The following FKBP1B variants were observed in gnomAD, a reference collection of about 807,000 sequenced individuals.
The protein encoded by FKBP1B is FKBP prolyl isomerase 1B, also known as peptidyl-prolyl cis-trans isomerase FKBP1B.
A neutral mutation model predicts 13.5 loss-of-function variants in FKBP1B; 4 were observed. The observed-to-expected ratio is 0.30, with a 90% CI of 0.15 to 0.68. FKBP1B has a LOEUF of 0.68. FKBP1B is among the 30% of genes least tolerant of loss of function. The pLI, the probability that FKBP1B is intolerant of heterozygous loss-of-function variation, is 0.76. For missense variants in FKBP1B, 93 were observed against 136.2 expected, an observed-to-expected ratio of 0.68 and a Z score of 1.58; for synonymous variants, 54 against 53.6, an observed-to-expected ratio of 1.01 and a Z score of -0.03.
upstream of FKBP1B, chr2:24,049,534 G>A: frequency 3.3e-6 from 1 of 304,768 alleles, no homozygotes; most frequent in Non-Finnish European, 6.0e-6. Flanking sequence ...TGGATGGATG[G>A]AGGATGTGGT....
chr2:24,050,628 C>T lies in FKBP1B; in HGVS notation c.37+742C>T, dbSNP rs1663824957. 1.3e-5 allele frequency among the ~76,000 whole-genome samples: 2 copies of T among 152,200 alleles called. No homozygotes were observed. The highest frequency in any genetic ancestry group is 1.3e-4 in the Admixed American group (2 of 15,280). On this transcript the variant is annotated intron_variant, in intron 1 of 3. Coordinates refer to ENST00000380986, the MANE Select transcript of FKBP1B (RefSeq NM_004116.5). The surrounding 1 kb of genome is among the most constrained non-coding windows in gnomAD (Gnocchi z 5.8). The stretch of plus-strand genomic sequence containing the variant: ...TAAGTGATCCTCTTTATCCCCCTTC[C>T]GTGTCTCACTTTCCCAAGTCCTTGT...
intron 2 of FKBP1B, among the ~76,000 whole-genome samples, chr2:24,055,380 T>A (rs1220522885): frequency 1.3e-5 from 2 of 152,056 alleles, no homozygotes; most frequent in Non-Finnish European, 2.9e-5. Context: ...CTGGCTAATT[T>A]TAATTTTTTG....
the FKBP1B span, among the ~76,000 whole-genome samples, chr2:24,037,372 G>A: frequency 6.6e-6 from 1 of 152,168 alleles, no homozygotes; most frequent in Non-Finnish European, 1.5e-5. Flanking sequence ...ATAAGGAAAA[G>A]GTTGTCACAA....
At chr2:24,045,240 G>A (rs185675773), upstream of FKBP1B, among the ~76,000 whole-genome samples, 349 of 152,284 alleles carry the variant, frequency 2.3e-3, no homozygotes, top group Non-Finnish European at 3.8e-3. Flanking sequence ...AAAGAATTAA[G>A]GATAACACCC....
intron 1 of FKBP1B, 63 bp downstream of exon 1, chr2:24,049,949 G>A (rs958514981): frequency 1.5e-6 from 2 of 1,315,470 alleles, no homozygotes; most frequent in Non-Finnish European, 2.0e-6. Flanking sequence ...CGGAGGGCGG[G>A]GGTCTGATTC....
chr2:24,046,835 T>C (rs947858727), upstream of FKBP1B, among the ~76,000 whole-genome samples: 1 of 152,214 alleles, frequency 6.6e-6, no homozygotes, highest in Non-Finnish European at 1.5e-5. Context: ...TTTTCAGTTA[T>C]ACTGTGCAAC....
At chr2:24,051,991 G>A (rs146131835) in intron 1 of FKBP1B, among the ~76,000 whole-genome samples, 171 of 152,162 alleles carry the variant, frequency 1.1e-3, no homozygotes, top group South Asian at 4.6e-3. Context: ...TGTTCCTCCC[G>A]TCTTCCCTAT....
At chr2:24,041,684 C>G in the FKBP1B span, among the ~76,000 whole-genome samples, 1 of 151,394 alleles carries the variant, frequency 6.6e-6, no homozygotes, top group African/African-American at 2.4e-5. Context: ...GAAACCCCAT[C>G]TCTACTCAAA....
upstream of FKBP1B, among the ~76,000 whole-genome samples, chr2:24,049,069 C>A (rs974656212): frequency 6.6e-6 from 1 of 152,142 alleles, no homozygotes; most frequent in Non-Finnish European, 1.5e-5. Context: ...AGATCCAGGA[C>A]GCCTAGCGAG....
At chr2:24,049,476 A>G (rs1472792941), upstream of FKBP1B, 2 of 196,522 alleles carry the variant, frequency 1.0e-5, no homozygotes, top group Non-Finnish European at 2.1e-5. Context: ...AGAGCTTACT[A>G]CAGATTAGAT....
Position 24,063,458 on chromosome 2 carries a change from G to GTCTTTTA in FKBP1B, c.*266_*267insTCTTTTA. On this transcript the variant is annotated 3_prime_UTR_variant, in exon 4 of 4. Coordinates refer to ENST00000380986, the MANE Select transcript of FKBP1B (RefSeq NM_004116.5). ...GATGCATGTAGTAGCCTTTCCTGATGACAGAACACAGATCTCTTGTTCGCA... is the reference window on the plus strand; with the variant it reads ...GATGCATGTAGTAGCCTTTCCTGATGTCTTTTAACAGAACACAGATCTCTTGTTCGCA... 2.4e-6 allele frequency: 1 copy of GTCTTTTA among 424,254 alleles called. No individual in the cohort carries two copies. The allele number at this position is 424,254 out of a possible 1,614,324, so 26.3% of individuals were successfully genotyped here. A position where few individuals can be genotyped will look rare whatever the true frequency, so the allele number is the denominator to read the frequency against.
At chr2:24,033,249 A>C in the FKBP1B span, 1 of 499,682 alleles carries the variant, frequency 2.0e-6, no homozygotes, top group Non-Finnish European at 4.0e-6. Flanking sequence ...TGAGAGACAC[A>C]ATCTGACGGT....
At chr2:24,060,413 G>A (rs1467563386) in intron 2 of FKBP1B, among the ~76,000 whole-genome samples, 1 of 152,154 alleles carries the variant, frequency 6.6e-6, no homozygotes. Context: ...TCAGCTGAGT[G>A]TGGTGGTGGG....
In FKBP1B at chr2:24,049,767, A is replaced by C; in HGVS notation, c.-83A>C. 3 of 1,164,958 alleles carry C rather than the reference A, an allele frequency of 2.6e-6. No individual in the cohort carries two copies. The highest frequency in any genetic ancestry group is 8.2e-5 in the Admixed American group (2 of 24,358). 72.2% of individuals were successfully genotyped at this position (1,164,958 alleles called of 1,614,324 possible). ...CAGTGGCGGCGAGGAGGCGAGCCGGAGCGACGGCGGGGCTGGGGCCGGAGC... is the reference window on the plus strand; with the variant it reads ...CAGTGGCGGCGAGGAGGCGAGCCGGCGCGACGGCGGGGCTGGGGCCGGAGC... On this transcript the variant is annotated 5_prime_UTR_variant, in exon 1 of 4. Transcript: ENST00000380986.
upstream of FKBP1B, chr2:24,045,752 C>T (rs1450680160): frequency 2.6e-5 from 4 of 151,946 alleles, no homozygotes; most frequent in African/African-American, 9.7e-5. Flanking sequence ...GTGGGAGGAT[C>T]ACTTGATGCC....
At chr2:24,058,729 T>C (rs1340130013) in intron 2 of FKBP1B, among the ~76,000 whole-genome samples, 1 of 152,244 alleles carries the variant, frequency 6.6e-6, no homozygotes, top group African/African-American at 2.4e-5. Flanking sequence ...CCACCAGGGC[T>C]TTTCTCCTGA....
At chr2:24,044,940 T>C (rs981715694), upstream of FKBP1B, among the ~76,000 whole-genome samples, 2 of 152,060 alleles carry the variant, frequency 1.3e-5, no homozygotes, top group African/African-American at 4.8e-5. Context: ...ACAAGGCAAT[T>C]AAAACCTTAT....
the FKBP1B span, among the ~76,000 whole-genome samples, chr2:24,043,629 A>G: frequency 6.6e-6 from 1 of 152,200 alleles, no homozygotes; most frequent in African/African-American, 2.4e-5. Context: ...TCTTCTTAAT[A>G]TACTTAAAAT....
In FKBP1B at chr2:24,063,462, G is replaced by T; in HGVS notation, c.*270G>T. ...CATGTAGTAGCCTTTCCTGATGACA[G>T]AACACAGATCTCTTGTTCGCACAAT... is the stretch of plus-strand genomic sequence containing the variant. On this transcript the variant is annotated 3_prime_UTR_variant, in exon 4 of 4. Coordinates refer to ENST00000380986, the MANE Select transcript of FKBP1B (RefSeq NM_004116.5). The T allele has an allele frequency of 1.1e-5, 4 of 370,048 alleles. No individual in the cohort carries two copies. The highest frequency in any genetic ancestry group is 7.6e-5 in the South Asian group (1 of 13,152). 22.9% of individuals were successfully genotyped at this position (370,048 alleles called of 1,614,324 possible).
Sources: gnomAD v4.1 joint callset for allele counts (sites outside exome capture counted in the v4.1 genomes callset) on GRCh38, gnomAD v4.1.1 for gene constraint, Gnocchi (gnomAD v3.1) non-coding constraint, MANE v1.5 for transcripts, NCBI Gene and HGNC (gene_info 2026-07-23, HGNC 2026-07-21) for gene names.